Variants in PAG1 observed in about 807,000 individuals in gnomAD.
PAG1 encodes phosphoprotein membrane anchor with glycosphingolipid microdomains 1.
Under a neutral mutation model 31.7 loss-of-function variants are expected in PAG1, and 23 were observed. The ratio of observed to expected loss-of-function variants is 0.73; its 90% confidence interval spans 0.52 to 1.03. The LOEUF is 1.03. PAG1 is among the 50% of genes least tolerant of loss of function. The probability of loss-of-function intolerance (pLI) is 0.00; values close to 1 mark genes in which losing one functional copy is unlikely to be tolerated. For missense variants in PAG1, 473 were observed against 540.7 expected (o/e 0.87, Z 1.24); for synonymous variants, 214 against 210.3 (o/e 1.02, Z -0.15).
At position 80,973,809 on chromosome 8, in the gene PAG1, C is replaced by G. The variant is rs1284328549; in HGVS notation, c.*2735G>C. The G allele has an allele frequency of 1.5e-5, 2 of 135,722 alleles. No individual in the cohort carries two copies. The highest frequency in any genetic ancestry group is 2.8e-5 in the African/African-American group (1 of 35,568). 8.4% of individuals were successfully genotyped at this position (135,722 alleles called of 1,614,324 possible). On this transcript the variant is annotated 3_prime_UTR_variant, in exon 9 of 9. Coordinates refer to ENST00000220597, the MANE Select transcript of PAG1 (RefSeq NM_018440.4). Reference sequence around the variant, plus strand: ...GAAAAACTATACTGTACAGTCAAAACAGTGATGGTGCCTCAGTAAATAACT... The same window carrying G: ...GAAAAACTATACTGTACAGTCAAAAGAGTGATGGTGCCTCAGTAAATAACT...
intron 1 of PAG1, among the ~76,000 whole-genome samples, chr8:81,096,224 G>A (rs1809525794): frequency 6.6e-6 from 1 of 152,256 alleles, no homozygotes; most frequent in African/African-American, 2.4e-5. Context: ...CATGTTGTAA[G>A]TGTTCTCAGC....
In PAG1 at chr8:80,984,937, T is replaced by G; in HGVS notation, c.715A>C (p.Ser239Arg). ...SVDRNKKCRQSVNVESILGNS... is the reference protein window; with the variant it reads ...SVDRNKKCRQRVNVESILGNS... ...CCAAGGATACTCTCTACATTAACACTTTGACGACATTTTTTGTTTCTGTCC... is the reference window on the plus strand; with the variant it reads ...CCAAGGATACTCTCTACATTAACACGTTGACGACATTTTTTGTTTCTGTCC... Residue 239 changes from serine to arginine, a missense_variant, in exon 7 of 9, where the codon AGT becomes CGT. By Grantham distance (110) the Ser-to-Arg change is moderately radical (BLOSUM62 -1). Transcript: ENST00000220597. 1.2e-6 allele frequency: 2 copies of G among 1,614,198 alleles called. No individual in the cohort carries two copies. Among genetic ancestry groups the G allele is most frequent in the Non-Finnish European group, 1.7e-6 (2 of 1,180,030 alleles).
At chr8:80,987,673 C>T (rs1807454075) in intron 5 of PAG1, 1 of 490,892 alleles carries the variant, frequency 2.0e-6, no homozygotes, top group Non-Finnish European at 3.7e-6. Flanking sequence ...GTACTGAACC[C>T]TATATAGACT....
intron 1 of PAG1, among the ~76,000 whole-genome samples, chr8:81,087,044 T>A (rs1482727609): frequency 6.6e-6 from 1 of 152,176 alleles, no homozygotes; most frequent in African/African-American, 2.4e-5. Context: ...CTTTTACATT[T>A]TTAAAGAGCT....
intron 8 of PAG1, among the ~76,000 whole-genome samples, chr8:80,978,662 C>T (rs1807233935): frequency 6.6e-6 from 1 of 152,220 alleles, no homozygotes; most frequent in African/African-American, 2.4e-5. Flanking sequence ...CCTTTGTCCT[C>T]ATTCATTAAC....
Position 80,967,846 on chromosome 8 carries a change from A to C in PAG1, c.*8698T>G, listed in dbSNP as rs1327700805. ...CTGACTTTTATTACAATTAAAAAAG[A>C]ACAAAGACAATTTGATAAGTGCCTT... On this transcript the variant is annotated 3_prime_UTR_variant, in exon 9 of 9. Transcript: ENST00000220597. The C allele has an allele frequency of 6.8e-6, 1 of 146,758 alleles. No individual in the cohort carries two copies. Among genetic ancestry groups the C allele is most frequent in the African/African-American group, 2.8e-5 (1 of 36,266 alleles). 9.1% of individuals were successfully genotyped at this position (146,758 alleles called of 1,614,324 possible). A position where few individuals can be genotyped will look rare whatever the true frequency, so the allele number is the denominator to read the frequency against.
At chr8:81,068,979 G>A (rs188616939) in intron 2 of PAG1, among the ~76,000 whole-genome samples, 1 of 152,324 alleles carries the variant, frequency 6.6e-6, no homozygotes, top group East Asian at 1.9e-4. Context: ...TAGAGAAAAT[G>A]TCTAATCCCT....
chr8:81,043,920 C>T (rs1808597871), intron 2 of PAG1, among the ~76,000 whole-genome samples: 1 of 152,204 alleles, frequency 6.6e-6, no homozygotes, highest in Non-Finnish European at 1.5e-5. Flanking sequence ...GATGGTAGTT[C>T]TCCCTGACTT....
chr8:81,106,374 T>G (rs1232449955), intron 1 of PAG1, among the ~76,000 whole-genome samples: 1 of 143,322 alleles, frequency 7.0e-6, no homozygotes, highest in African/African-American at 2.5e-5. Flanking sequence ...CTACTTCTTC[T>G]TCCGTATTTT....
chr8:81,029,364 T>TCACA (rs71266099), intron 3 of PAG1, among the ~76,000 whole-genome samples: 44 of 145,592 alleles, frequency 3.0e-4, no homozygotes, highest in Admixed American at 1.0e-3. Flanking sequence ...TCTCTCTCTC[T>TCACA]CACACACACA....
chr8:81,034,259 C>T (rs561757795), intron 2 of PAG1, among the ~76,000 whole-genome samples: 2 of 152,322 alleles, frequency 1.3e-5, no homozygotes, highest in Admixed American at 1.3e-4. Flanking sequence ...TGGAATGAAT[C>T]ACAGTGCTTG....
intron 1 of PAG1, among the ~76,000 whole-genome samples, chr8:81,076,415 C>T (rs981054873): frequency 1.1e-4 from 17 of 152,154 alleles, no homozygotes; most frequent in African/African-American, 2.4e-4. Flanking sequence ...GAGGAGCTGA[C>T]GCTAATTTAA....
At chr8:81,051,641 G>C (rs1456065241) in intron 2 of PAG1, among the ~76,000 whole-genome samples, 3 of 152,126 alleles carry the variant, frequency 2.0e-5, no homozygotes, top group Non-Finnish European at 4.4e-5. Context: ...TTTTTGTAAA[G>C]TTAAACAACT....
At chr8:80,997,306 CT>C (rs1314127744) in intron 3 of PAG1, among the ~76,000 whole-genome samples, 1 of 152,154 alleles carries the variant, frequency 6.6e-6, no homozygotes, top group African/African-American at 2.4e-5. Flanking sequence ...GAGACAGGGT[CT>C]TGCTCTGTCA....
rs139906739 is a variant in PAG1 at position 81,059,982 on chromosome 8, C to T, written c.-175+10130G>A. 8.5e-4 allele frequency among the ~76,000 whole-genome samples: 129 copies of T among 151,860 alleles called. 1 individual carries two copies. The highest frequency in any genetic ancestry group is 3.0e-3 in the African/African-American group (125 of 41,424). On this transcript the variant is annotated intron_variant, in intron 2 of 8. Coordinates refer to ENST00000220597, the MANE Select transcript of PAG1 (RefSeq NM_018440.4). ...GCAGTGCGCCGAGATTGCAATACTG[C>T]ACTCCAGCCTGGGCAAAAAGAGTGA...
rs145082404 is a variant in PAG1, at chr8:81,063,314, C to CT, written c.-175+6797dup. On this transcript the variant is annotated intron_variant, in intron 2 of 8. Coordinates refer to ENST00000220597, the MANE Select transcript of PAG1 (RefSeq NM_018440.4). ...AGTGGCAGGCCCACAAAAGAAGTAT[C>CT]TTTTTTCATGACATGAAAAAGGAAT... is the stretch of plus-strand genomic sequence containing the variant. 3.3e-3 allele frequency among the ~76,000 whole-genome samples: 499 copies of CT among 152,252 alleles called. 2 individuals carry two copies. Among genetic ancestry groups the CT allele is most frequent in the African/African-American group, 0.012 (485 of 41,534 alleles).
At chr8:81,103,143 T>C (rs1420664890) in intron 1 of PAG1, among the ~76,000 whole-genome samples, 1 of 124,206 alleles carries the variant, frequency 8.1e-6, no homozygotes, top group Non-Finnish European at 1.7e-5. Flanking sequence ...CAAAACATGT[T>C]CATTTTGTGG....
At chr8:81,003,582 G>A (rs1454438949) in intron 3 of PAG1, among the ~76,000 whole-genome samples, 1 of 152,164 alleles carries the variant, frequency 6.6e-6, no homozygotes, top group African/African-American at 2.4e-5. Flanking sequence ...TACAGACCAG[G>A]TTCTGCTCCA....
rs572608436 is a variant in PAG1 at position 81,093,637 on chromosome 8, G to A, written c.-234+17954C>T. Among the ~76,000 whole-genome samples the A allele has an allele frequency of 4.0e-5, 6 of 151,486 alleles. No individual in the cohort carries two copies. The South Asian group carries it at 1.3e-3, about 32-fold the overall frequency. On this transcript the variant is annotated intron_variant, in intron 1 of 8. Transcript: ENST00000220597. ...ATGCCATACCCCCAGATGTGGCCCT[G>A]AGCCCACCTTACACCATAAATGATG...
Sources: allele counts gnomAD v4.1 joint callset (sites outside exome capture counted in the v4.1 genomes callset), GRCh38; gene constraint gnomAD v4.1.1; transcripts MANE v1.5; gene names NCBI Gene and HGNC (gene_info 2026-07-23, HGNC 2026-07-21).